PPP2R3B: variants seen among roughly 807,000 people sequenced by gnomAD.
The protein encoded by PPP2R3B is protein phosphatase 2 regulatory subunit B''beta.
Under a neutral mutation model 72.9 loss-of-function variants are expected in PPP2R3B, and 68 were observed. The observed-to-expected ratio is 0.93, with a 90% CI of 0.77 to 1.14. The LOEUF is 1.14. Ranked by LOEUF, PPP2R3B falls within the 50% of genes most tolerant of loss-of-function variation. The pLI, the probability that PPP2R3B is intolerant of heterozygous loss-of-function variation, is 0.00. For synonymous variants in PPP2R3B, 466 were observed against 375.8 expected (o/e 1.24, Z -2.78); for missense variants, 1,018 against 842.0 (o/e 1.21, Z -2.59).
At chrX:376,081 C>G (rs975184743) in intron 1 of PPP2R3B, among the ~76,000 whole-genome samples, 5 of 152,030 alleles carry the variant, frequency 3.3e-5, no homozygotes, top group African/African-American at 7.2e-5. Flanking sequence ...ATCCCAGCTA[C>G]TTGGGAGGCT....
intron 10 of PPP2R3B, among the ~76,000 whole-genome samples, chrX:339,175 G>A (rs182310025): frequency 5.8e-4 from 88 of 151,584 alleles, no homozygotes; most frequent in African/African-American, 1.8e-3. Context: ...CAGCAGGGGC[G>A]CTGCTGGATC....
At chrX:340,451 C>CTCTCGCCCGTCCGT (rs2071029629) in intron 10 of PPP2R3B, among the ~76,000 whole-genome samples, 2 of 120,420 alleles carry the variant, frequency 1.7e-5, no homozygotes, top group East Asian at 2.4e-4. Flanking sequence ...CTGGTCCGTC[C>CTCTCGCCCGTCCGT]CCCCTCCCGT....
At chrX:372,833 C>G (rs2071895369) in intron 1 of PPP2R3B, among the ~76,000 whole-genome samples, 1 of 152,176 alleles carries the variant, frequency 6.6e-6, no homozygotes, top group Non-Finnish European at 1.5e-5. Flanking sequence ...GAGGCTGAAG[C>G]AGGAAAATCA....
At chrX:338,984 G>C in intron 10 of PPP2R3B, 88 bp from the exon 11 acceptor site, 1 of 1,062,248 alleles carries the variant, frequency 9.4e-7, no homozygotes, top group Non-Finnish European at 1.5e-6. Context: ...TGTCACACGT[G>C]CTTAAGGACG....
chrX:338,692 G>C lies in PPP2R3B; in HGVS notation c.1489C>G (p.Pro497Ala). 1 of 1,611,686 alleles carries C rather than the reference G, an allele frequency of 6.2e-7. No individual in the cohort carries two copies. The highest frequency in any genetic ancestry group is 8.5e-7 in the Non-Finnish European group (1 of 1,179,664). The stretch of plus-strand genomic sequence containing the variant: ...TACTTCTCCCAGTCCGAGAGCTCGG[G>C]GCCGCCGCTGTCACCGTCCTGGAGG... ...SLLRDGDSGG[P>A]ELSDWEKYAA... is the part of the protein sequence containing the mutation. Residue 497 changes from proline (P) to alanine (A), a missense_variant, in exon 12 of 13, where the codon CCC becomes GCC. Physicochemically the swap from Pro to Ala is conservative, Grantham distance 27. Transcript: ENST00000390665.
chrX:364,650 G>A (rs866547397), intron 1 of PPP2R3B, among the ~76,000 whole-genome samples: 3,279 of 123,088 alleles, frequency 0.027, 85 homozygotes, highest in South Asian at 0.037. Context: ...CACAGGAGGC[G>A]GAGGTTGCAG....
chrX:341,561 C>T (rs1455812423), intron 8 of PPP2R3B, 165 bp from the exon 9 acceptor site: 4 of 745,264 alleles, frequency 5.4e-6, no homozygotes, highest in Admixed American at 2.4e-5. Flanking sequence ...GAGGTGGAGG[C>T]CCCGTGGCCA....
chrX:334,720 G>C (rs186255057), intron 12 of PPP2R3B: 1 of 602,096 alleles, frequency 1.7e-6, no homozygotes, highest in Non-Finnish European at 2.6e-6. Context: ...AGGGGCCTGC[G>C]GTGCAGGTGA....
intron 12 of PPP2R3B, 42 bp from the exon 13 acceptor site, chrX:334,559 G>A (rs753681116): frequency 1.4e-6 from 2 of 1,451,402 alleles, no homozygotes; most frequent in Non-Finnish European, 1.8e-6. Flanking sequence ...GCAGCGCGGA[G>A]CAGGCCCTGG....
In PPP2R3B at chrX:338,805, C is replaced by T. The variant is rs758263735; in HGVS notation, c.1443G>A (p.Glu481=). ...TGAGCAGGGAGATCTGCTCTTTCTG[C>T]TCGTGGTCGAGGTACTTCTCGATGT... ...FFNIEKYLDH[E]QKEQISLLRD... Residue 481 remains glutamate (E), a synonymous_variant, in exon 11 of 13, where the codon GAG becomes GAA. Transcript: ENST00000390665. The T allele has an allele frequency of 2.5e-5, 40 of 1,612,344 alleles. No homozygotes were observed. Among genetic ancestry groups the T allele is most frequent in the Admixed American group, 5.0e-5 (3 of 59,996 alleles).
chrX:347,866 C>G, intron 2 of PPP2R3B, 173 bp from the exon 3 acceptor site: 2 of 579,730 alleles, frequency 3.4e-6, no homozygotes. Flanking sequence ...TTCGCTCCAG[C>G]CTTCAATCAG....
rs2071668697 is a variant in PPP2R3B at position 364,838 on chromosome X, GCAC to G, written c.325-3251_325-3249del. ...GCGGAGGTTGCAGTGAGCTGAGATC[GCAC>G]CACTGCACTCCAGCCTGGGCGACAG... On this transcript the variant is annotated intron_variant, in intron 1 of 12. Coordinates refer to ENST00000390665, the MANE Select transcript of PPP2R3B (RefSeq NM_013239.5). Among the ~76,000 whole-genome samples, 32 of 43,368 alleles carry G rather than the reference GCAC, an allele frequency of 7.4e-4. 2 individuals carry two copies. The highest frequency in any genetic ancestry group is 1.5e-3 in the Admixed American group (6 of 3,934). 28.5% of individuals were successfully genotyped at this position (43,368 alleles called of 152,430 possible). A position where few individuals can be genotyped will look rare whatever the true frequency, so the allele number is the denominator to read the frequency against.
At chrX:355,260 T>C (rs750488567) in intron 2 of PPP2R3B, among the ~76,000 whole-genome samples, 2 of 152,264 alleles carry the variant, frequency 1.3e-5, no homozygotes, top group East Asian at 3.9e-4. Context: ...CCACGTACAG[T>C]GTCATCAGAA....
At position 334,461 on chromosome X, in the gene PPP2R3B, AGCGGGGAGCGCAGCGCACTCAGCTTCT is replaced by A; in HGVS notation, c.1607_1633del (p.Gln536_Pro544del). The A allele has an allele frequency of 6.3e-7, 1 of 1,595,284 alleles. No individual in the cohort carries two copies. Among genetic ancestry groups the A allele is most frequent in the Non-Finnish European group, 8.5e-7 (1 of 1,176,192 alleles). On this transcript the variant is annotated inframe_deletion, in exon 13 of 13. Coordinates refer to ENST00000390665, the MANE Select transcript of PPP2R3B (RefSeq NM_013239.5). ...CGCCTCGAAGAAGGGCCTCTGGGCC[AGCGGGGAGCGCAGCGCACTCAGCTTCT>A]GCTCCACAGGGCTGAGCTCGGCCTC...
At chrX:370,993 G>C (rs942299368) in intron 1 of PPP2R3B, among the ~76,000 whole-genome samples, 6 of 152,196 alleles carry the variant, frequency 3.9e-5, no homozygotes, top group Admixed American at 3.9e-4. Context: ...AGGGGCGTCT[G>C]TGTGCTGAGT....
rs766552691 is a variant in PPP2R3B, at chrX:350,218, A to C, written c.511-2525T>G. 2.0e-5 allele frequency among the ~76,000 whole-genome samples: 3 copies of C among 152,298 alleles called. No homozygotes were observed. In the East Asian group the frequency reaches 5.8e-4, roughly 29 times the overall value. On this transcript the variant is annotated intron_variant, in intron 2 of 12. Transcript: ENST00000390665. ...AGAGCCCCGTGGAATATCCACAGGCAAAGACACTTCACACAAACTGAATAC... is the reference window on the plus strand; with the variant it reads ...AGAGCCCCGTGGAATATCCACAGGCCAAGACACTTCACACAAACTGAATAC...
rs758704452 is a variant in PPP2R3B at position 339,277 on chromosome X, G to GT, written c.1352-382_1352-381insA. On this transcript the variant is annotated intron_variant, in intron 10 of 12. Coordinates refer to ENST00000390665, the MANE Select transcript of PPP2R3B (RefSeq NM_013239.5). ...AGCAGGAGGCGCCCCATGGCCGGGG[G>GT]GGGCAGGGCTGCAGGGCGGTGCCCG... 5.3e-5 allele frequency among the ~76,000 whole-genome samples: 8 copies of GT among 149,740 alleles called. No individual in the cohort carries two copies. In the East Asian group the frequency reaches 1.6e-3, roughly 30 times the overall value.
At chrX:371,452 G>C (rs1259693240) in intron 1 of PPP2R3B, among the ~76,000 whole-genome samples, 2 of 152,226 alleles carry the variant, frequency 1.3e-5, no homozygotes, top group East Asian at 3.9e-4. Context: ...GGAGGAGGAG[G>C]AGCTTGGGTT....
At chrX:371,396 T>G (rs1298340490) in intron 1 of PPP2R3B, among the ~76,000 whole-genome samples, 1 of 151,304 alleles carries the variant, frequency 6.6e-6, no homozygotes, top group Non-Finnish European at 1.5e-5. Flanking sequence ...ACCCCCCGAG[T>G]TTGGTTTGTC....
Sources: gnomAD v4.1 joint callset for allele counts (sites outside exome capture counted in the v4.1 genomes callset) on GRCh38, gnomAD v4.1.1 for gene constraint, MANE v1.5 for transcripts, NCBI Gene and HGNC (gene_info 2026-07-23, HGNC 2026-07-21) for gene names.